ADAM22: variants seen among roughly 807,000 people sequenced by gnomAD.
ADAM22 encodes disintegrin and metalloproteinase domain-containing protein 22.
Under a neutral mutation model 144.6 loss-of-function variants are expected in ADAM22, and 65 were observed. That is an observed-to-expected ratio of 0.45 (90% CI 0.37 to 0.55). ADAM22 has a LOEUF of 0.55. Among genes scored for constraint, ADAM22 ranks in the 20% least tolerant of loss-of-function variants. The pLI, the probability that ADAM22 is intolerant of heterozygous loss-of-function variation, is 0.00. For missense variants in ADAM22, 974 were observed against 1,184.9 expected (o/e 0.82, Z 2.61); for synonymous variants, 391 against 412.6 (o/e 0.95, Z 0.63).
intron 14 of ADAM22, among the ~76,000 whole-genome samples, chr7:88,139,050 G>A (rs920008392): frequency 8.5e-5 from 13 of 152,266 alleles, no homozygotes; most frequent in African/African-American, 3.1e-4. Flanking sequence ...ACTTCTAAGA[G>A]TCCTACACTA....
At chr7:88,118,585 A>G (rs1411739335) in intron 7 of ADAM22, among the ~76,000 whole-genome samples, 1 of 151,730 alleles carries the variant, frequency 6.6e-6, no homozygotes, top group Non-Finnish European at 1.5e-5. Context: ...AAAGTAATAA[A>G]TAAAGATTTT....
chr7:88,071,391 A>ATTTTTTTTTTTTTTTTTT (rs71297113), intron 3 of ADAM22, among the ~76,000 whole-genome samples: 2 of 126,058 alleles, frequency 1.6e-5, no homozygotes, highest in African/African-American at 3.0e-5. Context: ...TTATGAAGTG[A>ATTTTTTTTTTTTTTTTTT]TTTTTTTTTT....
intron 4 of ADAM22, among the ~76,000 whole-genome samples, chr7:88,097,358 G>A (rs1389375462): frequency 6.6e-6 from 1 of 151,500 alleles, no homozygotes; most frequent in Non-Finnish European, 1.5e-5. Context: ...CACCATGTTA[G>A]CCAGGTCTCA....
intron 3 of ADAM22, among the ~76,000 whole-genome samples, chr7:88,021,733 G>A (rs1797866394): frequency 6.6e-6 from 1 of 152,100 alleles, no homozygotes; most frequent in Non-Finnish European, 1.5e-5. Flanking sequence ...AAAATATTAT[G>A]TATGTGTACT....
intron 2 of ADAM22, among the ~76,000 whole-genome samples, chr7:87,960,312 T>C (rs1847747120): frequency 6.6e-6 from 1 of 152,096 alleles, no homozygotes; most frequent in Admixed American, 6.6e-5. Context: ...GATGAAAGTA[T>C]TCAGTGTTCA....
At chr7:88,127,069 T>TATAC (rs1286158467) in intron 8 of ADAM22, among the ~76,000 whole-genome samples, 1 of 151,676 alleles carries the variant, frequency 6.6e-6, no homozygotes, top group African/African-American at 2.4e-5. Flanking sequence ...TTTATATATA[T>TATAC]ATACTCATAT....
In ADAM22 at chr7:88,095,380, G is replaced by C. The variant is rs1312266703; in HGVS notation, c.391-12796G>C. 2.0e-5 allele frequency among the ~76,000 whole-genome samples: 3 copies of C among 152,142 alleles called. No homozygotes were observed. The South Asian group carries it at 6.2e-4, about 32-fold the overall frequency. On this transcript the variant is annotated intron_variant, in intron 4 of 31. Coordinates refer to ENST00000413139, the MANE Select transcript of ADAM22 (RefSeq NM_001324418.2). ...AAAAATAAGTGAAAGAATTAATCCA[G>C]GTATTAGAAAATTGAGTGGTTTCTC...
chr7:87,949,347 A>G (rs1421564400), intron 2 of ADAM22, among the ~76,000 whole-genome samples: 2 of 152,212 alleles, frequency 1.3e-5, no homozygotes, highest in East Asian at 1.9e-4. Flanking sequence ...GAACTTGGAC[A>G]ATGATTGGCA....
chr7:88,163,012 T>C lies in ADAM22; in HGVS notation c.1908T>C (p.Ser636=). 6.2e-7 allele frequency: 1 copy of C among 1,606,260 alleles called. No homozygotes were observed. The highest frequency in any genetic ancestry group is 8.5e-7 in the Non-Finnish European group (1 of 1,177,466). ...VVQQGRTLNC[S]GGHVKLEEDV... is the part of the protein sequence containing the mutation. ...TTTTTTGCTCTCAATTTGTTTTTAG[T>C]GGTGGGCATGTTAAGCTTGAAGAAG... Residue 636 remains serine, a splice_region_variant and synonymous_variant, in exon 23 of 32, where the codon AGT becomes AGC. Transcript: ENST00000413139.
chr7:88,040,407 C>T lies in ADAM22; in HGVS notation c.324-35219C>T, dbSNP rs899663522. ...TCAGCCTCTCAAAGTGCTGGGATTACAGGCGTGAGCCACTGAGCCTAGCCA... is the reference window on the plus strand; with the variant it reads ...TCAGCCTCTCAAAGTGCTGGGATTATAGGCGTGAGCCACTGAGCCTAGCCA... On this transcript the variant is annotated intron_variant, in intron 3 of 31. Transcript: ENST00000413139. 9.2e-5 allele frequency among the ~76,000 whole-genome samples: 14 copies of T among 152,112 alleles called. No individual in the cohort carries two copies. The East Asian group carries it at 2.5e-3, about 27-fold the overall frequency.
At chr7:88,136,843 AAAT>A (rs1833102341) in intron 14 of ADAM22, among the ~76,000 whole-genome samples, 1 of 152,096 alleles carries the variant, frequency 6.6e-6, no homozygotes, top group Non-Finnish European at 1.5e-5. Flanking sequence ...AATGTTATTA[AAAT>A]AATAACAGCA....
chr7:88,058,862 A>C (rs1808998799), intron 3 of ADAM22, among the ~76,000 whole-genome samples: 1 of 152,162 alleles, frequency 6.6e-6, no homozygotes, highest in Admixed American at 6.5e-5. Flanking sequence ...CTAGTGCTTG[A>C]ATTTTCCTAA....
At chr7:87,944,732 AG>A (rs531261197) in intron 2 of ADAM22, among the ~76,000 whole-genome samples, 65 of 151,766 alleles carry the variant, frequency 4.3e-4, no homozygotes, top group Admixed American at 1.7e-3. Flanking sequence ...AACTAGAAAG[AG>A]CTACCTGAAA....
intron 2 of ADAM22, among the ~76,000 whole-genome samples, chr7:87,937,007 G>C (rs529910875): frequency 6.6e-6 from 1 of 152,218 alleles, no homozygotes; most frequent in African/African-American, 2.4e-5. Context: ...CCAGACAGGA[G>C]TGCAGTAGCA....
chr7:88,083,012 C>G (rs1279660015), intron 4 of ADAM22, among the ~76,000 whole-genome samples: 2 of 152,178 alleles, frequency 1.3e-5, no homozygotes, highest in Non-Finnish European at 2.9e-5. Context: ...GATTATAAAT[C>G]ATGCTGCTAT....
intron 4 of ADAM22, among the ~76,000 whole-genome samples, chr7:88,100,791 A>G (rs79117571): frequency 9.9e-5 from 15 of 152,206 alleles, no homozygotes; most frequent in Non-Finnish European, 1.6e-4. Flanking sequence ...GTGGGATTAC[A>G]GGTGTAAGCC....
intron 3 of ADAM22, among the ~76,000 whole-genome samples, chr7:88,020,698 G>T (rs1366802575): frequency 1.3e-5 from 2 of 152,124 alleles, no homozygotes; most frequent in Non-Finnish European, 2.9e-5. Flanking sequence ...GAGATCAGCA[G>T]ATTATTTGTG....
chr7:88,084,072 A>C (rs566370205), intron 4 of ADAM22, among the ~76,000 whole-genome samples: 1 of 152,168 alleles, frequency 6.6e-6, no homozygotes, highest in African/African-American at 2.4e-5. Flanking sequence ...GCCATTCACT[A>C]TCTATTTCTA....
At chr7:88,102,445 T>G (rs1330002977) in intron 4 of ADAM22, among the ~76,000 whole-genome samples, 3 of 152,178 alleles carry the variant, frequency 2.0e-5, no homozygotes, top group African/African-American at 4.8e-5. Context: ...TGAATTTGTA[T>G]TCAGTCATTT....
Sources: gnomAD v4.1 joint callset for allele counts (sites outside exome capture counted in the v4.1 genomes callset) on GRCh38, gnomAD v4.1.1 for gene constraint, MANE v1.5 for transcripts, NCBI Gene and HGNC (gene_info 2026-07-23, HGNC 2026-07-21) for gene names.